Variants in ADGRE3 observed in about 807,000 individuals in gnomAD.
ADGRE3 encodes EGF-like module receptor 3.
A neutral mutation model predicts 80.1 loss-of-function variants in ADGRE3; 88 were observed. The ratio of observed to expected loss-of-function variants is 1.10; its 90% CI spans 0.93 to 1.31. The LOEUF is 1.31. Among genes scored for constraint, ADGRE3 ranks in the 40% most tolerant of loss-of-function variants. The probability of loss-of-function intolerance (pLI) is 0.00; values close to 1 mark genes in which losing one functional copy is unlikely to be tolerated. For synonymous variants in ADGRE3, 281 were observed against 294.8 expected, an observed-to-expected ratio of 0.95 and a Z score of 0.48; for missense variants, 715 against 776.5, an observed-to-expected ratio of 0.92 and a Z score of 0.94.
At chr19:14,654,875 A>G in intron 6 of ADGRE3, 107 bp downstream of exon 6, 1 of 781,138 alleles carries the variant, frequency 1.3e-6, no homozygotes, top group African/African-American at 1.8e-5. Flanking sequence ...TGTAATTTAC[A>G]TAAAGGGACT....
Position 14,651,440 on chromosome 19 carries a change from C to T in ADGRE3, c.578-236G>A, listed in dbSNP as rs371125309. ...CATATACTGAATGTCTAGGATGTGT[C>T]GGGCACTGAGCTAAGAGTCTTACAC... On this transcript the variant is annotated intron_variant, in intron 6 of 15. Transcript: ENST00000253673. 8.7e-4 allele frequency among the ~76,000 whole-genome samples: 132 copies of T among 152,136 alleles called. 1 individual carries two copies. Among genetic ancestry groups the T allele is most frequent in the African/African-American group, 2.9e-3 (122 of 41,506 alleles).
chr19:14,640,354 A>G (rs1971215145), intron 10 of ADGRE3, among the ~76,000 whole-genome samples: 1 of 152,032 alleles, frequency 6.6e-6, no homozygotes, highest in Non-Finnish European at 1.5e-5. Context: ...CAATGGCGCA[A>G]TCTTGGCTCA....
intron 14 of ADGRE3, among the ~76,000 whole-genome samples, chr19:14,626,545 C>T (rs1203748998): frequency 6.6e-6 from 1 of 151,984 alleles, no homozygotes; most frequent in Non-Finnish European, 1.5e-5. Context: ...TGAAAATCAC[C>T]AATAATATTT....
the ADGRE3 span, among the ~76,000 whole-genome samples, chr19:14,607,550 A>ATAATTTAT: frequency 2.1e-5 from 3 of 141,402 alleles, no homozygotes; most frequent in Non-Finnish European, 4.6e-5. Context: ...ATTTTATTTT[A>ATAATTTAT]TTATTTATTT....
In ADGRE3 at chr19:14,674,816, T is replaced by C. The variant is rs1972351866; in HGVS notation, c.-46A>G. On this transcript the variant is annotated 5_prime_UTR_variant, in exon 1 of 16. Coordinates refer to ENST00000253673, the MANE Select transcript of ADGRE3 (RefSeq NM_032571.5). ...ACGCCAGCCAGCCCTGGAAGCTCTC[T>C]ACTGTGCCGTAAGCCAACCACCTTT... 6.2e-7 allele frequency: 1 copy of C among 1,605,046 alleles called. No individual in the cohort carries two copies. Among genetic ancestry groups the C allele is most frequent in the African/African-American group, 1.3e-5 (1 of 74,564 alleles).
chr19:14,659,442 G>T (rs916514077), intron 4 of ADGRE3, among the ~76,000 whole-genome samples: 3 of 152,276 alleles, frequency 2.0e-5, no homozygotes, highest in Admixed American at 6.5e-5. Flanking sequence ...GCCTGGCTGG[G>T]AATGATAACC....
rs190724663 is a variant in ADGRE3, at chr19:14,660,144, G to A, written c.356-1594C>T. Reference sequence around the variant, plus strand: ...CTGTTGCTTAGAGCTGCCAGCCTTGGTAATAACGAACCCCAAATGGGCTCA... The same window carrying A: ...CTGTTGCTTAGAGCTGCCAGCCTTGATAATAACGAACCCCAAATGGGCTCA... On this transcript the variant is annotated intron_variant, in intron 4 of 15. Coordinates refer to ENST00000253673, the MANE Select transcript of ADGRE3 (RefSeq NM_032571.5). Among the ~76,000 whole-genome samples the A allele has an allele frequency of 2.1e-3, 316 of 152,204 alleles. 2 individuals are homozygous for A. In the Middle Eastern group the frequency reaches 0.024, roughly 11 times the overall value.
In ADGRE3 at chr19:14,630,087, G is replaced by T. The variant is rs568667077; in HGVS notation, c.1764C>A (p.Ser588Arg). Residue 588 changes from serine (S) to arginine (R), a missense_variant, in exon 14 of 16, where the codon AGC becomes AGA. Transcript: ENST00000253673. ...VMAYLFTIIN[S>R]LQGFFIFLVY... ...CCAAGAAGATGAAGAAGCCTTGGAG[G>T]CTGTTGATGATGGTGAAGAGGTAGG... The T allele has an allele frequency of 3.2e-5, 52 of 1,612,232 alleles. No individual in the cohort carries two copies. The African/African-American group carries it at 6.8e-4, about 21-fold the overall frequency.
At position 14,667,701 on chromosome 19, in the gene ADGRE3, G is replaced by T. The variant is rs573840776; in HGVS notation, c.76+1101C>A. Among the ~76,000 whole-genome samples, 106 of 152,142 alleles carry T rather than the reference G, an allele frequency of 7.0e-4. 1 individual carries two copies. The highest frequency in any genetic ancestry group is 2.4e-3 in the African/African-American group (99 of 41,514). On this transcript the variant is annotated intron_variant, in intron 2 of 15. Transcript: ENST00000253673. ...CCAGGGGGTGGGGGGCGTGGGGAGG[G>T]ATAGCATTAGGAGAAATACTTAATG...
At chr19:14,607,412 C>T in the ADGRE3 span, among the ~76,000 whole-genome samples, 1 of 151,540 alleles carries the variant, frequency 6.6e-6, no homozygotes, top group Admixed American at 6.6e-5. Context: ...ACCGTGTTAG[C>T]CAGGATGGTC....
the ADGRE3 span, among the ~76,000 whole-genome samples, chr19:14,604,924 G>A: frequency 5.3e-5 from 8 of 152,282 alleles, no homozygotes; most frequent in African/African-American, 1.9e-4. Flanking sequence ...ATTCCAGGAT[G>A]TGGAAAGCTG....
At chr19:14,611,846 A>G in the ADGRE3 span, among the ~76,000 whole-genome samples, 1 of 152,042 alleles carries the variant, frequency 6.6e-6, no homozygotes. Flanking sequence ...TACTAAAAAT[A>G]CAAAAAAATT....
chr19:14,628,136 AAACAAAAAACAAAAC>A (rs1221403762), intron 14 of ADGRE3, among the ~76,000 whole-genome samples: 4 of 152,068 alleles, frequency 2.6e-5, no homozygotes, highest in Non-Finnish European at 4.4e-5. Flanking sequence ...CTCAAACAAA[AAACAAAAAACAAAAC>A]AACAAAAAAA....
chr19:14,646,334 T>C (rs1419369208), intron 8 of ADGRE3, among the ~76,000 whole-genome samples: 1 of 152,152 alleles, frequency 6.6e-6, no homozygotes, highest in Non-Finnish European at 1.5e-5. Flanking sequence ...AGTTGGCCAC[T>C]TGATCACTTG....
intron 1 of ADGRE3, among the ~76,000 whole-genome samples, chr19:14,674,513 CAAACAAACA>C (rs1387844826): frequency 1.3e-5 from 2 of 151,856 alleles, no homozygotes; most frequent in East Asian, 1.9e-4. Context: ...CAAAACAAAA[CAAACAAACA>C]AAACAAACAA....
downstream of ADGRE3, among the ~76,000 whole-genome samples, chr19:14,616,771 G>A (rs966795373): frequency 3.1e-4 from 45 of 147,540 alleles, no homozygotes; most frequent in Non-Finnish European, 5.3e-4. Flanking sequence ...ACAACACAGT[G>A]GAAACAAGCT....
chr19:14,663,681 A>G, intron 2 of ADGRE3, 141 bp from the exon 3 acceptor site: 2 of 973,632 alleles, frequency 2.1e-6, no homozygotes, highest in Non-Finnish European at 2.9e-6. Context: ...TCTACTAAAA[A>G]TACCAAAAAT....
intron 2 of ADGRE3, among the ~76,000 whole-genome samples, chr19:14,666,161 C>T (rs1972101861): frequency 6.6e-6 from 1 of 151,014 alleles, no homozygotes; most frequent in Non-Finnish European, 1.5e-5. Flanking sequence ...ACTTTTAGTT[C>T]TTTAAGGAAT....
At chr19:14,620,397 T>C (rs184284849) in intron 15 of ADGRE3, among the ~76,000 whole-genome samples, 18 of 121,452 alleles carry the variant, frequency 1.5e-4, no homozygotes, top group Middle Eastern at 4.0e-3. Flanking sequence ...TACATGTATA[T>C]ATGAATATAT....
Sources: gnomAD v4.1 joint callset for allele counts (sites outside exome capture counted in the v4.1 genomes callset) on GRCh38, gnomAD v4.1.1 for gene constraint, MANE v1.5 for transcripts, NCBI Gene and HGNC (gene_info 2026-07-23, HGNC 2026-07-21) for gene names.